The following PHACTR1 variants were observed in gnomAD, a reference collection of about 807,000 sequenced individuals.
The protein encoded by PHACTR1 is RPEL repeat containing 1.
Under a neutral mutation model 69.2 loss-of-function variants are expected in PHACTR1, and 16 were observed. That is an observed-to-expected ratio of 0.23 (90% CI 0.16 to 0.35). PHACTR1 has a LOEUF of 0.35. Among genes scored for constraint, PHACTR1 ranks in the 10% least tolerant of loss-of-function variants. PHACTR1 has a pLI of 1.00. For synonymous variants in PHACTR1, 312 were observed against 284.5 expected (o/e 1.10, Z -0.97); for missense variants, 510 against 734.7 (o/e 0.69, Z 3.54).
intron 4 of PHACTR1, among the ~76,000 whole-genome samples, chr6:12,783,318 G>T (rs1771067696): frequency 6.6e-6 from 1 of 152,192 alleles, no homozygotes. Context: ...ACACTGACCA[G>T]AATCTATATG....
intron 4 of PHACTR1, among the ~76,000 whole-genome samples, chr6:12,856,332 C>T (rs1780363570): frequency 6.7e-6 from 1 of 149,706 alleles, no homozygotes; most frequent in Non-Finnish European, 1.5e-5. Flanking sequence ...CGGCTTACTG[C>T]AAGCTCCGCC....
rs1821977033 is a variant in PHACTR1 at position 13,138,943 on chromosome 6, G to C, written c.416-21261G>C. Among the ~76,000 whole-genome samples, 6 of 152,220 alleles carry C rather than the reference G, an allele frequency of 3.9e-5. No individual in the cohort carries two copies. In the South Asian group the frequency reaches 1.2e-3, roughly 32 times the overall value. On this transcript the variant is annotated intron_variant, in intron 5 of 14. Coordinates refer to ENST00000332995, the MANE Select transcript of PHACTR1 (RefSeq NM_030948.6). The stretch of plus-strand genomic sequence containing the variant: ...TTGCAAGGAAGAGTTAGGACTTAGG[G>C]TTTCACATATAAGCTTACGTTGATT...
intron 4 of PHACTR1, among the ~76,000 whole-genome samples, chr6:12,863,018 A>G (rs34348949): frequency 0.072 from 10,955 of 152,200 alleles, 441 homozygotes; most frequent in Middle Eastern, 0.11. Context: ...ATAGCTTTTC[A>G]CCTTTAGATG....
chr6:12,896,414 C>A (rs1784676655), intron 4 of PHACTR1, among the ~76,000 whole-genome samples: 1 of 152,226 alleles, frequency 6.6e-6, no homozygotes, highest in Non-Finnish European at 1.5e-5. Flanking sequence ...ATTCCCTTGA[C>A]AATTCCCGTC....
At chr6:12,817,373 A>G (rs1775705490) in intron 4 of PHACTR1, among the ~76,000 whole-genome samples, 2 of 152,190 alleles carry the variant, frequency 1.3e-5, no homozygotes, top group African/African-American at 4.8e-5. Context: ...TTATAAACAT[A>G]TTTGTAGCAA....
In PHACTR1 at chr6:12,947,007, T is replaced by C. The variant is rs1360710425; in HGVS notation, c.251-106358T>C. Among the ~76,000 whole-genome samples the C allele has an allele frequency of 2.0e-5, 3 of 151,882 alleles. No homozygotes were observed. In the East Asian group the frequency reaches 5.8e-4, roughly 30 times the overall value. The stretch of plus-strand genomic sequence containing the variant: ...TTTGTATTTTTAGTAGAGATGGGGT[T>C]TCACCATGTTGGTCAGCCTGGTCTC... On this transcript the variant is annotated intron_variant, in intron 4 of 14. Transcript: ENST00000332995.
At chr6:12,846,766 C>T (rs1474382177) in intron 4 of PHACTR1, among the ~76,000 whole-genome samples, 1 of 150,086 alleles carries the variant, frequency 6.7e-6, no homozygotes, top group Non-Finnish European at 1.5e-5. Context: ...GTGGTAATTG[C>T]AACTACAGTT....
At chr6:13,093,914 C>T (rs1368406588) in intron 5 of PHACTR1, among the ~76,000 whole-genome samples, 1 of 152,134 alleles carries the variant, frequency 6.6e-6, no homozygotes, top group African/African-American at 2.4e-5. Flanking sequence ...CTCTGTCACC[C>T]GGGCTGGGGT....
At chr6:13,059,235 T>C (rs1272930422) in intron 5 of PHACTR1, among the ~76,000 whole-genome samples, 1 of 151,942 alleles carries the variant, frequency 6.6e-6, no homozygotes, top group African/African-American at 2.4e-5. Flanking sequence ...GATGGACAAA[T>C]GTGGCATAAG....
At chr6:13,076,583 T>G (rs1810508890) in intron 5 of PHACTR1, among the ~76,000 whole-genome samples, 1 of 152,132 alleles carries the variant, frequency 6.6e-6, no homozygotes, top group South Asian at 2.1e-4. Flanking sequence ...AACCCAGAAT[T>G]AGGCCCTTGG....
chr6:12,845,422 A>ACCCCCCC (rs879435671), intron 4 of PHACTR1, among the ~76,000 whole-genome samples: 13 of 12,828 alleles, frequency 1.0e-3, no homozygotes, highest in Non-Finnish European at 1.3e-3. Context: ...CATTGTGAAC[A>ACCCCCCC]CCACCCACCC....
chr6:12,726,643 T>G (rs1420873366), intron 3 of PHACTR1, among the ~76,000 whole-genome samples: 3 of 152,200 alleles, frequency 2.0e-5, no homozygotes, highest in Non-Finnish European at 1.5e-5. Context: ...CAGGTTGTCT[T>G]CTTCCTCCAT....
intron 4 of PHACTR1, among the ~76,000 whole-genome samples, chr6:12,937,567 C>T (rs962637380): frequency 1.3e-5 from 2 of 151,962 alleles, no homozygotes; most frequent in African/African-American, 4.8e-5. Flanking sequence ...AACAAATAAA[C>T]AAGCAAATAT....
chr6:13,140,682 A>G (rs191522011), intron 5 of PHACTR1, among the ~76,000 whole-genome samples: 24 of 152,344 alleles, frequency 1.6e-4, no homozygotes, highest in African/African-American at 5.5e-4. Flanking sequence ...TTTTCGTTTT[A>G]CAAGTTGAAA....
chr6:12,991,924 A>G (rs541727684), intron 4 of PHACTR1, among the ~76,000 whole-genome samples: 13 of 152,160 alleles, frequency 8.5e-5, no homozygotes, highest in African/African-American at 3.1e-4. Flanking sequence ...TGGCACTGAC[A>G]TAAGTATGTT....
chr6:13,212,982 G>A (rs143713093), intron 8 of PHACTR1, among the ~76,000 whole-genome samples: 8 of 152,204 alleles, frequency 5.3e-5, no homozygotes, highest in African/African-American at 1.7e-4. Context: ...CCTTTCATTC[G>A]GTTTGTTGCT....
At chr6:12,859,837 T>C (rs1295101269) in intron 4 of PHACTR1, among the ~76,000 whole-genome samples, 3 of 152,162 alleles carry the variant, frequency 2.0e-5, no homozygotes. Flanking sequence ...TAGATGTTAA[T>C]TCCAAATACA....
chr6:12,970,622 G>C (rs1220981941), intron 4 of PHACTR1, among the ~76,000 whole-genome samples: 1 of 152,140 alleles, frequency 6.6e-6, no homozygotes, highest in African/African-American at 2.4e-5. Context: ...CAGGCGTGGT[G>C]GTGTGTGCCT....
chr6:13,046,270 C>T (rs1805016548), intron 4 of PHACTR1, among the ~76,000 whole-genome samples: 1 of 152,274 alleles, frequency 6.6e-6, no homozygotes, highest in Admixed American at 6.5e-5. Flanking sequence ...GCTCCCTCCT[C>T]CTACCCATCC....
Sources: gnomAD v4.1 joint callset for allele counts (sites outside exome capture counted in the v4.1 genomes callset) on GRCh38, gnomAD v4.1.1 for gene constraint, MANE v1.5 for transcripts, NCBI Gene and HGNC (gene_info 2026-07-23, HGNC 2026-07-21) for gene names.